Variants in ZNF138 observed in about 807,000 individuals in gnomAD.
The protein encoded by ZNF138 is zinc finger protein 138.
In ZNF138, 33 loss-of-function variants were observed where a neutral mutation model predicts 33.0. That is an observed-to-expected ratio of 1.00 (90% confidence interval 0.76 to 1.34). The LOEUF (loss-of-function observed/expected upper bound fraction) is 1.34. Among genes scored for constraint, ZNF138 ranks in the 40% most tolerant of loss-of-function variants. The pLI, the probability that ZNF138 is intolerant of heterozygous loss-of-function variation, is 0.00. For missense variants in ZNF138, 360 were observed against 370.8 expected (o/e 0.97, Z 0.24); for synonymous variants, 139 against 120.4 (o/e 1.15, Z -1.01).
At chr7:64,796,314 G>T (rs1196588114) in intron 1 of ZNF138, among the ~76,000 whole-genome samples, 2 of 152,174 alleles carry the variant, frequency 1.3e-5, no homozygotes, top group Admixed American at 1.3e-4. Context: ...GAGGGTGGTC[G>T]TTTAGCACTT....
In ZNF138 at chr7:64,830,848, G is replaced by A. The variant is rs185120473; in HGVS notation, c.209-603G>A. 6 of 1,365,698 alleles carry A rather than the reference G, an allele frequency of 4.4e-6. No homozygotes were observed. In the East Asian group the frequency reaches 1.6e-4, roughly 36 times the overall value. 84.6% of individuals were successfully genotyped at this position (1,365,698 alleles called of 1,614,324 possible). A position where few individuals can be genotyped will look rare whatever the true frequency, so the allele number is the denominator to read the frequency against. On this transcript the variant is annotated intron_variant, in intron 3 of 3. Transcript: ENST00000307355. ...CAGACATGTTCTTAGGATGTGTCAG[G>A]TCTGAAATTTTTTAGGGTTTTTTTA...
intron 1 of ZNF138, among the ~76,000 whole-genome samples, chr7:64,795,083 G>A (rs1786578713): frequency 6.6e-6 from 1 of 152,180 alleles, no homozygotes; most frequent in Non-Finnish European, 1.5e-5. Context: ...TAAGGTGTAT[G>A]ATAAAACCAA....
chr7:64,810,330 G>A (rs1184044630), intron 1 of ZNF138, among the ~76,000 whole-genome samples: 2 of 143,402 alleles, frequency 1.4e-5, no homozygotes, highest in East Asian at 2.1e-4. Flanking sequence ...GCCTGCAATC[G>A]CAGGCACTCG....
intron 1 of ZNF138, among the ~76,000 whole-genome samples, chr7:64,804,324 C>T (rs1046036331): frequency 1.3e-5 from 2 of 152,126 alleles, no homozygotes; most frequent in African/African-American, 4.8e-5. Flanking sequence ...GTGCATGCAG[C>T]CCCCAGTCAT....
the ZNF138 span, chr7:64,852,879 C>G: frequency 1.1e-6 from 1 of 916,394 alleles, no homozygotes; most frequent in East Asian, 2.4e-5. Context: ...GTTTGGCCGC[C>G]CATTACAGAC....
intron 3 of ZNF138, among the ~76,000 whole-genome samples, chr7:64,830,353 A>G (rs918734710): frequency 4.0e-4 from 60 of 151,298 alleles, no homozygotes; most frequent in African/African-American, 1.4e-3. Context: ...TTGTTTTTTA[A>G]TATCTTTCAT....
chr7:64,823,370 A>G (rs573662071), intron 3 of ZNF138, among the ~76,000 whole-genome samples: 3 of 151,484 alleles, frequency 2.0e-5, no homozygotes, highest in Non-Finnish European at 4.4e-5. Context: ...GGATCTTACT[A>G]TGTCACCCAG....
chr7:64,837,799 C>T (rs1486509685), downstream of ZNF138, among the ~76,000 whole-genome samples: 1 of 152,160 alleles, frequency 6.6e-6, no homozygotes, highest in Admixed American at 6.5e-5. Context: ...AAGCTACTAC[C>T]TCTGCTGTTT....
chr7:64,847,444 C>A, the ZNF138 span, among the ~76,000 whole-genome samples: 1 of 150,126 alleles, frequency 6.7e-6, no homozygotes, highest in East Asian at 2.0e-4. Flanking sequence ...GACTTGCTGT[C>A]AGTGGAGTAT....
intron 1 of ZNF138, among the ~76,000 whole-genome samples, chr7:64,801,984 AAT>A (rs1163122121): frequency 6.6e-6 from 1 of 152,206 alleles, no homozygotes; most frequent in Non-Finnish European, 1.5e-5. Context: ...TTCTGAGCCA[AAT>A]ATGAGTGACC....
intron 3 of ZNF138, among the ~76,000 whole-genome samples, chr7:64,828,284 A>G (rs1205945188): frequency 6.6e-6 from 1 of 152,120 alleles, no homozygotes. Context: ...ATGTTATGCA[A>G]CATATCCCTA....
chr7:64,822,536 C>T (rs1452968343), intron 3 of ZNF138, among the ~76,000 whole-genome samples: 3 of 151,360 alleles, frequency 2.0e-5, no homozygotes, highest in African/African-American at 7.4e-5. Flanking sequence ...ATTACTTTTC[C>T]AAGAGACGAT....
chr7:64,844,039 G>A, the ZNF138 span, among the ~76,000 whole-genome samples: 2 of 152,098 alleles, frequency 1.3e-5, no homozygotes, highest in Non-Finnish European at 2.9e-5. Context: ...GGCCAGGCTG[G>A]TCTCAAATCT....
chr7:64,808,171 G>C (rs924501442), intron 1 of ZNF138, among the ~76,000 whole-genome samples: 2 of 152,172 alleles, frequency 1.3e-5, no homozygotes, highest in Non-Finnish European at 2.9e-5. Context: ...GACAAGAGTG[G>C]TTAATTCTGC....
intron 3 of ZNF138, among the ~76,000 whole-genome samples, chr7:64,821,040 T>TTTTTTG (rs1554367740): frequency 2.3e-5 from 2 of 86,574 alleles, no homozygotes; most frequent in African/African-American, 9.1e-5. Flanking sequence ...TGATTGTTTT[T>TTTTTTG]TTTTGTTTTG....
At chr7:64,842,988 T>G in the ZNF138 span, among the ~76,000 whole-genome samples, 1 of 152,216 alleles carries the variant, frequency 6.6e-6, no homozygotes. Flanking sequence ...TCCTTTCTCC[T>G]AAATAACTTG....
the ZNF138 span, chr7:64,852,693 T>C: frequency 2.4e-6 from 3 of 1,273,852 alleles, no homozygotes; most frequent in Non-Finnish European, 3.4e-6. Context: ...AGTTTAATAT[T>C]ATTCCATTTC....
the ZNF138 span, among the ~76,000 whole-genome samples, chr7:64,847,809 A>T: frequency 6.6e-6 from 1 of 152,050 alleles, no homozygotes; most frequent in African/African-American, 2.4e-5. Flanking sequence ...TCAGTTCTTC[A>T]ATTCTGTATC....
chr7:64,826,855 G>A (rs1321011848), intron 3 of ZNF138, among the ~76,000 whole-genome samples: 1 of 151,758 alleles, frequency 6.6e-6, no homozygotes, highest in Non-Finnish European at 1.5e-5. Flanking sequence ...TTGCCATGTT[G>A]GCCAGGCTAG....
Sources: gnomAD v4.1 joint callset for allele counts (sites outside exome capture counted in the v4.1 genomes callset) on GRCh38, gnomAD v4.1.1 for gene constraint, MANE v1.5 for transcripts, NCBI Gene and HGNC (gene_info 2026-07-23, HGNC 2026-07-21) for gene names.